Variants in MXD1 observed in about 807,000 individuals in gnomAD.
MXD1 encodes the protein MAX-binding protein.
In MXD1, 9 loss-of-function variants were observed where a neutral mutation model predicts 25.7. That is an observed-to-expected ratio of 0.35 (90% CI 0.21 to 0.61). The LOEUF is 0.61. MXD1 is among the 20% of genes least tolerant of loss of function. The pLI, the probability that MXD1 is intolerant of heterozygous loss-of-function variation, is 0.75. For synonymous variants in MXD1, 99 were observed against 113.9 expected (o/e 0.87, Z 0.83); for missense variants, 227 against 292.4 (o/e 0.78, Z 1.63).
At chr2:69,937,444 A>G (rs1677478867) in intron 5 of MXD1, 50 bp downstream of exon 5, 4 of 1,388,592 alleles carry the variant, frequency 2.9e-6, no homozygotes, top group Non-Finnish European at 3.8e-6. Flanking sequence ...CCCCAACCCC[A>G]GAGCAGGGGT....
chr2:69,930,808 T>C (rs188122766), intron 3 of MXD1, among the ~76,000 whole-genome samples: 1 of 152,280 alleles, frequency 6.6e-6, no homozygotes, highest in East Asian at 1.9e-4. Context: ...ATTGAAAGAA[T>C]AACTGCTACC....
chr2:69,920,199 G>A (rs1677039424), intron 2 of MXD1, among the ~76,000 whole-genome samples: 1 of 151,800 alleles, frequency 6.6e-6, no homozygotes, highest in South Asian at 2.1e-4. Context: ...TGTTGGCCAG[G>A]ATGGTCTCAA....
At chr2:69,923,581 CGTGTGT>C (rs10652254) in intron 3 of MXD1, among the ~76,000 whole-genome samples, 2 of 150,304 alleles carry the variant, frequency 1.3e-5, no homozygotes, top group South Asian at 2.1e-4. Flanking sequence ...TATGGAATTT[CGTGTGT>C]GTGTGTGTGT....
intron 3 of MXD1, among the ~76,000 whole-genome samples, chr2:69,927,990 AT>A (rs1011184433): frequency 1.1e-3 from 167 of 145,908 alleles, no homozygotes; most frequent in African/African-American, 2.3e-3. Context: ...CTTCACCTGG[AT>A]TTTTTTTTTT....
At chr2:69,935,253 G>T (rs866462158) in intron 3 of MXD1, 98 bp from the exon 4 acceptor site, 29 of 815,298 alleles carry the variant, frequency 3.6e-5, no homozygotes, top group Middle Eastern at 6.6e-4. Context: ...CCATCGCAAG[G>T]CCTGGGCAAC....
At chr2:69,921,703 A>G in intron 2 of MXD1, 33 bp from the exon 3 acceptor site, 1 of 1,594,772 alleles carries the variant, frequency 6.3e-7, no homozygotes, top group Non-Finnish European at 8.6e-7. Context: ...AGACAAAAAT[A>G]TCTTATTCTT....
At chr2:69,938,024 A>G (rs748933058) in intron 5 of MXD1, 73 bp from the exon 6 acceptor site, 16 of 1,450,962 alleles carry the variant, frequency 1.1e-5, no homozygotes, top group Admixed American at 1.9e-5. Context: ...TGGGATTACA[A>G]GCATGAGCCA....
chr2:69,935,051 A>G (rs901112075), intron 3 of MXD1, among the ~76,000 whole-genome samples: 1 of 152,268 alleles, frequency 6.6e-6, no homozygotes, highest in Non-Finnish European at 1.5e-5. Flanking sequence ...ATCATGAGTC[A>G]GGGACCATTA....
At position 69,921,585 on chromosome 2, in the gene MXD1, A is replaced by AT. The variant is rs1573401017; in HGVS notation, c.174-144dup. 4 of 552,826 alleles carry AT rather than the reference A, an allele frequency of 7.2e-6. No homozygotes were observed. In the Admixed American group the frequency reaches 1.2e-4, roughly 16 times the overall value. 34.2% of individuals were successfully genotyped at this position (552,826 alleles called of 1,614,324 possible). A position where few individuals can be genotyped will look rare whatever the true frequency, so the allele number is the denominator to read the frequency against. On this transcript the variant is annotated intron_variant, in intron 2 of 5. Coordinates refer to ENST00000264444, the MANE Select transcript of MXD1 (RefSeq NM_002357.4). ...TTTATCTAACTCTTCAAATGGACTA[A>AT]TTTTTTTAGTAGAGCCCAGTGAATT...
At chr2:69,921,091 G>A (rs1677056272) in intron 2 of MXD1, among the ~76,000 whole-genome samples, 1 of 152,140 alleles carries the variant, frequency 6.6e-6, no homozygotes, top group African/African-American at 2.4e-5. Context: ...TCATTCCACA[G>A]TATATCAGTG....
intron 3 of MXD1, among the ~76,000 whole-genome samples, chr2:69,932,016 C>G (rs1271450612): frequency 1.3e-5 from 2 of 152,114 alleles, no homozygotes; most frequent in Admixed American, 1.3e-4. Context: ...CGGGTGGCTT[C>G]CTGTTGAGGA....
rs1358886256 is a variant in MXD1, at chr2:69,941,641, C to T, written c.*3357C>T. The stretch of plus-strand genomic sequence containing the variant: ...TACTTTTTCAAAAGCAACAAAGGGG[C>T]CTCAACCTGAGTTTCCTATGGGCCT... On this transcript the variant is annotated 3_prime_UTR_variant, in exon 6 of 6. Coordinates refer to ENST00000264444, the MANE Select transcript of MXD1 (RefSeq NM_002357.4). The T allele has an allele frequency of 6.6e-6, 1 of 152,122 alleles. No homozygotes were observed. The highest frequency in any genetic ancestry group is 2.4e-5 in the African/African-American group (1 of 41,412). The allele number at this position is 152,122 out of a possible 1,614,324, so 9.4% of individuals were successfully genotyped here.
intron 2 of MXD1, 82 bp downstream of exon 2, chr2:69,916,302 A>G (rs975404863): frequency 4.9e-6 from 4 of 816,148 alleles, no homozygotes; most frequent in Non-Finnish European, 8.1e-6. Context: ...TTCTGTTGTG[A>G]TTATAACCCT....
chr2:69,915,169 C>G lies in MXD1; in HGVS notation c.-162C>G. 1 of 518,602 alleles carries G rather than the reference C, an allele frequency of 1.9e-6. No homozygotes were observed. Among genetic ancestry groups the G allele is most frequent in the Non-Finnish European group, 3.0e-6 (1 of 329,252 alleles). The allele number at this position is 518,602 out of a possible 1,614,324, so 32.1% of individuals were successfully genotyped here. On this transcript the variant is annotated 5_prime_UTR_variant, in exon 1 of 6. Coordinates refer to ENST00000264444, the MANE Select transcript of MXD1 (RefSeq NM_002357.4). The surrounding 1 kb of genome is among the most constrained non-coding windows in gnomAD (Gnocchi z 5.8). ...CCCAGCTCACTGGCCCCCTCCCTCTCTTGTCGAGCGTGGTTGCCAGAGAGG... is the reference window on the plus strand; with the variant it reads ...CCCAGCTCACTGGCCCCCTCCCTCTGTTGTCGAGCGTGGTTGCCAGAGAGG...
intron 3 of MXD1, among the ~76,000 whole-genome samples, chr2:69,930,255 T>C (rs959163858): frequency 3.9e-5 from 6 of 152,236 alleles, no homozygotes; most frequent in Non-Finnish European, 8.8e-5. Flanking sequence ...ACTTTCTTCT[T>C]GCTATTGCAC....
At position 69,938,409 on chromosome 2, in the gene MXD1, C is replaced by CT. The variant is rs1677511535; in HGVS notation, c.*128dup. 3 of 959,010 alleles carry CT rather than the reference C, an allele frequency of 3.1e-6. No individual in the cohort carries two copies. The highest frequency in any genetic ancestry group is 1.7e-5 in the African/African-American group (1 of 60,562). The allele number at this position is 959,010 out of a possible 1,614,324, so 59.4% of individuals were successfully genotyped here. ...AGTGTCCCACCTTGACCAAAATCAG[C>CT]TTTGTAACTGTTTTCAAGGAGGTGC... On this transcript the variant is annotated 3_prime_UTR_variant, in exon 6 of 6. Transcript: ENST00000264444.
intron 3 of MXD1, among the ~76,000 whole-genome samples, chr2:69,925,137 A>C (rs564798513): frequency 1.3e-5 from 2 of 152,192 alleles, no homozygotes; most frequent in Admixed American, 1.3e-4. Context: ...AGCTCAGATT[A>C]ATATCACTCT....
rs369833509 is a variant in MXD1 at position 69,937,045 on chromosome 2, C to A, written c.319-190C>A. The A allele has an allele frequency of 1.2e-5, 9 of 767,334 alleles. No homozygotes were observed. In the Middle Eastern group the frequency reaches 2.0e-3, roughly 175 times the overall value. 47.5% of individuals were successfully genotyped at this position (767,334 alleles called of 1,614,324 possible). A position where few individuals can be genotyped will look rare whatever the true frequency, so the allele number is the denominator to read the frequency against. ...ACAAGTACCCCCAGCACTGGCGATG[C>A]TGAAGAGTCAGACGAAGCCAGGAGT... On this transcript the variant is annotated intron_variant, in intron 4 of 5. Transcript: ENST00000264444.
chr2:69,930,901 G>T (rs1445242635), intron 3 of MXD1, among the ~76,000 whole-genome samples: 1 of 152,190 alleles, frequency 6.6e-6, no homozygotes, highest in Non-Finnish European at 1.5e-5. Flanking sequence ...GCCCTCCCAG[G>T]GAGGCGCTTG....
Sources: allele counts gnomAD v4.1 joint callset (sites outside exome capture counted in the v4.1 genomes callset), GRCh38; gene constraint gnomAD v4.1.1; non-coding constraint Gnocchi (gnomAD v3.1); transcripts MANE v1.5; gene names NCBI Gene and HGNC (gene_info 2026-07-23, HGNC 2026-07-21).